The following CLN3 variants were observed in gnomAD, a reference collection of about 807,000 sequenced individuals.
CLN3 encodes CLN3 lysosomal/endosomal transmembrane protein, battenin.
Under a neutral mutation model 60.7 loss-of-function variants are expected in CLN3, and 49 were observed. That is an observed-to-expected ratio of 0.81 (90% CI 0.64 to 1.02). The LOEUF is 1.02. Among genes scored for constraint, CLN3 ranks in the 50% least tolerant of loss-of-function variants. The probability of loss-of-function intolerance (pLI) is 0.00; values close to 1 mark genes in which losing one functional copy is unlikely to be tolerated. For missense variants in CLN3, 516 were observed against 557.4 expected, an observed-to-expected ratio of 0.93 and a Z score of 0.75; for synonymous variants, 256 against 245.8, an observed-to-expected ratio of 1.04 and a Z score of -0.39.
intron 10 of CLN3, among the ~76,000 whole-genome samples, chr16:28,483,029 A>C (rs34838): frequency 6.6e-6 from 1 of 151,264 alleles, no homozygotes; most frequent in Non-Finnish European, 1.5e-5. Flanking sequence ...ACTTGAACCC[A>C]GGAGGCAGAG....
downstream of CLN3, among the ~76,000 whole-genome samples, chr16:28,472,536 A>C (rs892459277): frequency 6.6e-6 from 1 of 151,880 alleles, no homozygotes; most frequent in Non-Finnish European, 1.5e-5. Flanking sequence ...AAAACTATAA[A>C]ACTCTTAGAA....
intron 9 of CLN3, 72 bp downstream of exon 9, chr16:28,486,275 A>G (rs1383667863): frequency 6.3e-6 from 10 of 1,591,970 alleles, no homozygotes; most frequent in Non-Finnish European, 8.6e-6. Flanking sequence ...TACAGGCGTG[A>G]GCCACCACAC....
At chr16:28,470,612 G>A (rs1285491291), downstream of CLN3, 1 of 66,550 alleles carries the variant, frequency 1.5e-5, no homozygotes, top group Non-Finnish European at 2.8e-5. Context: ...AAGGGGAAGG[G>A]GAGGGGAAGG....
Position 28,487,544 on chromosome 16 carries a change from G to C in CLN3, c.375-3C>G. On this transcript the variant is annotated splice_region_variant and splice_polypyrimidine_tract_variant and intron_variant, in intron 6 of 15. Coordinates refer to ENST00000636147, the MANE Select transcript of CLN3 (RefSeq NM_001042432.2). ...TCCCACTGACGAGAACCCGGGGGCT[G>C]AGGGGGTGAGAAGGGAAGGGAGGGG... 1 of 1,613,690 alleles carries C rather than the reference G, an allele frequency of 6.2e-7. No individual in the cohort carries two copies. Among genetic ancestry groups the C allele is most frequent in the Non-Finnish European group, 8.5e-7 (1 of 1,179,746 alleles).
downstream of CLN3, among the ~76,000 whole-genome samples, chr16:28,470,818 C>A (rs1361369609): frequency 7.7e-5 from 11 of 142,466 alleles, no homozygotes; most frequent in Non-Finnish European, 1.7e-4. Context: ...ATCAGGGAAG[C>A]AACAGGACAC....
At chr16:28,480,220 T>C (rs544532361) in intron 14 of CLN3, among the ~76,000 whole-genome samples, 34 of 151,956 alleles carry the variant, frequency 2.2e-4, no homozygotes, top group African/African-American at 7.5e-4. Context: ...CTTATTTTTT[T>C]TTTTAATTTT....
chr16:28,476,737 C>G (rs2046000285), downstream of CLN3: 2 of 152,782 alleles, frequency 1.3e-5, no homozygotes, highest in Non-Finnish European at 2.9e-5. Flanking sequence ...CTGCACAATT[C>G]TTTCCACTTC....
At chr16:28,483,023 G>A (rs937862147) in intron 10 of CLN3, among the ~76,000 whole-genome samples, 2 of 151,754 alleles carry the variant, frequency 1.3e-5, no homozygotes, top group African/African-American at 4.8e-5. Context: ...AGAATCACTT[G>A]AACCCAGGAG....
chr16:28,470,190 A>G (rs1201387666), downstream of CLN3, among the ~76,000 whole-genome samples: 2 of 131,990 alleles, frequency 1.5e-5, no homozygotes, highest in African/African-American at 6.1e-5. Flanking sequence ...CTTTTTTGGA[A>G]TTTTTTGTAG....
Position 28,488,587 on chromosome 16 carries a change from G to A in CLN3, c.294+4C>T, listed in dbSNP as rs1450357653. On this transcript the variant is annotated splice_donor_region_variant and intron_variant, in intron 5 of 15. Coordinates refer to ENST00000636147, the MANE Select transcript of CLN3 (RefSeq NM_001042432.2). Reference sequence around the variant, plus strand: ...GGCAAGGACCAGGTGAGATGAGTACGCACAGCCGTAGAGACAGAGTTGCAG... The same window carrying A: ...GGCAAGGACCAGGTGAGATGAGTACACACAGCCGTAGAGACAGAGTTGCAG... 1.1e-5 allele frequency: 17 copies of A among 1,613,720 alleles called. No individual in the cohort carries two copies. In the Middle Eastern group the frequency reaches 9.9e-4, roughly 94 times the overall value.
rs1338849785 is a variant in CLN3, at chr16:28,486,502, A to AAC, written c.534-14_534-13dup. 6.2e-7 allele frequency: 1 copy of AAC among 1,611,368 alleles called. No homozygotes were observed. Among genetic ancestry groups the AAC allele is most frequent in the African/African-American group, 1.3e-5 (1 of 74,992 alleles). ...AGGAGATCACGGCCCTGGGAAGGAG[A>AAC]ACACAGGAACATTCAGGAGGACCTA... On this transcript the variant is annotated splice_polypyrimidine_tract_variant and intron_variant, in intron 8 of 15. Coordinates refer to ENST00000636147, the MANE Select transcript of CLN3 (RefSeq NM_001042432.2).
At chr16:28,473,620 G>C (rs1313437053), downstream of CLN3, among the ~76,000 whole-genome samples, 1 of 152,110 alleles carries the variant, frequency 6.6e-6, no homozygotes, top group African/African-American at 2.4e-5. Flanking sequence ...CGTACCAAAA[G>C]ACAATATCAA....
intron 4 of CLN3, 45 bp downstream of exon 4, chr16:28,489,232 CACCCCCTCATCTT>C (rs1193894999): frequency 3.7e-5 from 50 of 1,364,726 alleles, no homozygotes; most frequent in Non-Finnish European, 5.1e-5. Context: ...CACCTTGTCC[CACCCCCTCATCTT>C]CCCACAGGGA....
Position 28,482,310 on chromosome 16 carries a change from G to A in CLN3, c.962+17C>T. 6.2e-7 allele frequency: 1 copy of A among 1,612,786 alleles called. No homozygotes were observed. The highest frequency in any genetic ancestry group is 8.5e-7 in the Non-Finnish European group (1 of 1,179,520). ...CACCACGGCGCCCTCCCAGCCCACT[G>A]CCCTCGCTCCTCTTACCAGCGGTAT... On this transcript the variant is annotated intron_variant, in intron 13 of 15. Transcript: ENST00000636147.
intron 14 of CLN3, 66 bp downstream of exon 14, chr16:28,482,039 T>G (rs927394527): frequency 1.6e-6 from 2 of 1,242,444 alleles, no homozygotes; most frequent in Non-Finnish European, 2.3e-6. Context: ...AGCAGGGGGT[T>G]TGGGGAAGCT....
Position 28,477,340 on chromosome 16 carries a change from G to A in CLN3, c.*176C>T. Reference sequence around the variant, plus strand: ...ATGCCAGGAAGAAACTCCCCAAGTGGGAGACAATGGCTGGCCCCCCTGCAA... The same window carrying A: ...ATGCCAGGAAGAAACTCCCCAAGTGAGAGACAATGGCTGGCCCCCCTGCAA... On this transcript the variant is annotated 3_prime_UTR_variant, in exon 16 of 16. Transcript: ENST00000636147. 1 of 769,622 alleles carries A rather than the reference G, an allele frequency of 1.3e-6. No homozygotes were observed. The highest frequency in any genetic ancestry group is 1.6e-5 in the South Asian group (1 of 63,820). 47.7% of individuals were successfully genotyped at this position (769,622 alleles called of 1,614,324 possible).
At chr16:28,474,641 TCAAA>T (rs1441697353), downstream of CLN3, among the ~76,000 whole-genome samples, 2 of 152,082 alleles carry the variant, frequency 1.3e-5, no homozygotes, top group Non-Finnish European at 2.9e-5. Context: ...CCTCAAAGGA[TCAAA>T]CAAAATTACC....
rs1228031946 is a variant in CLN3 at position 28,477,449 on chromosome 16, GC to G, written c.*66del. 7 of 1,604,842 alleles carry G rather than the reference GC, an allele frequency of 4.4e-6. No homozygotes were observed. In the East Asian group the frequency reaches 1.6e-4, roughly 36 times the overall value. On this transcript the variant is annotated 3_prime_UTR_variant, in exon 16 of 16. Transcript: ENST00000636147. ...AGTTCATGGAGGGTCTCTGGGGTGG[GC>G]CTGGGTGTCTGACCTGTCCCTCTGC...
At chr16:28,481,030 T>C (rs755734469) in intron 14 of CLN3, among the ~76,000 whole-genome samples, 17 of 152,202 alleles carry the variant, frequency 1.1e-4, no homozygotes, top group Non-Finnish European at 2.1e-4. Context: ...TGAAAGCCTG[T>C]CTCTTTGCCT....
Sources: gnomAD v4.1 joint callset for allele counts (sites outside exome capture counted in the v4.1 genomes callset) on GRCh38, gnomAD v4.1.1 for gene constraint, MANE v1.5 for transcripts, NCBI Gene and HGNC (gene_info 2026-07-23, HGNC 2026-07-21) for gene names.